The following AGBL3 variants were observed in gnomAD, a reference collection of about 807,000 sequenced individuals.
AGBL3 encodes AGBL carboxypeptidase 3.
A neutral mutation model predicts 94.5 loss-of-function variants in AGBL3; 68 were observed. That is an observed-to-expected ratio of 0.72 (90% confidence interval 0.59 to 0.88). AGBL3 has a LOEUF of 0.88. AGBL3 is among the 40% of genes least tolerant of loss of function. The pLI is 0.00. For missense variants in AGBL3, 934 were observed against 1,103.8 expected (o/e 0.85, Z 2.18); for synonymous variants, 354 against 370.7 (o/e 0.95, Z 0.52).
At chr7:134,993,459 C>T in intron 3 of AGBL3, 34 bp from the exon 4 acceptor site, 1 of 1,480,472 alleles carries the variant, frequency 6.8e-7, no homozygotes, top group Non-Finnish European at 9.0e-7. Context: ...TTTTCTTCTT[C>T]CCACTCATGA....
chr7:135,129,358 ACC>A (rs1828402799), intron 16 of AGBL3: 10 of 968,666 alleles, frequency 1.0e-5, no homozygotes, highest in African/African-American at 3.2e-5. Flanking sequence ...CTAAATGAAT[ACC>A]TGCAAGCAGA....
At chr7:135,033,676 TA>T (rs1464656009) in intron 6 of AGBL3, among the ~76,000 whole-genome samples, 1 of 152,198 alleles carries the variant, frequency 6.6e-6, no homozygotes, top group Non-Finnish European at 1.5e-5. Flanking sequence ...TGTTCTCAAA[TA>T]GATCAAATTA....
At chr7:135,036,526 G>A (rs556117888) in intron 7 of AGBL3, among the ~76,000 whole-genome samples, 1 of 152,144 alleles carries the variant, frequency 6.6e-6, no homozygotes, top group South Asian at 2.1e-4. Flanking sequence ...CAAATATTTG[G>A]GTACTTATTA....
chr7:135,034,614 A>G lies in AGBL3; in HGVS notation c.1023A>G (p.Thr341=). 1 of 1,551,702 alleles carries G rather than the reference A, an allele frequency of 6.4e-7. No individual in the cohort carries two copies. Among genetic ancestry groups the G allele is most frequent in the Non-Finnish European group, 8.7e-7 (1 of 1,146,974 alleles). The change falls in exon 7 of 17, where the codon ACA becomes ACG. Residue 341 remains threonine, a synonymous_variant. Coordinates refer to ENST00000436302, the MANE Select transcript of AGBL3 (RefSeq NM_178563.4). ...TLARNMVYIL[T]ITTPLKNSDS... ...CTAGGAACATGGTGTATATTTTAAC[A>G]ATCACTACCCCCTTGAAGAACTCTG...
chr7:135,095,525 C>A (rs1391164228), intron 15 of AGBL3, among the ~76,000 whole-genome samples: 1 of 152,146 alleles, frequency 6.6e-6, no homozygotes, highest in Non-Finnish European at 1.5e-5. Flanking sequence ...ATAGTAAAGG[C>A]CTATTAACTT....
intron 3 of AGBL3, among the ~76,000 whole-genome samples, chr7:134,992,339 A>G (rs1810400285): frequency 6.6e-6 from 1 of 152,234 alleles, no homozygotes; most frequent in African/African-American, 2.4e-5. Context: ...TTACCTCTTC[A>G]GAGAAATCTT....
At chr7:135,015,858 CAAAAAAAAGAAAAA>C (rs1447861672) in intron 4 of AGBL3, among the ~76,000 whole-genome samples, 1 of 77,134 alleles carries the variant, frequency 1.3e-5, no homozygotes, top group Non-Finnish European at 2.5e-5. Flanking sequence ...ACTAAAAATA[CAAAAAAAAGAAAAA>C]AAAAAAAAAT....
rs1013111754 is a variant in AGBL3 at position 135,110,621 on chromosome 7, G to C, written c.2111-4759G>C. On this transcript the variant is annotated intron_variant, in intron 15 of 16. Transcript: ENST00000436302. ...CCTGGCTCTGTGTCGCTCCTGGGTGGGCAGCTGTCTGCCTTGCTTTTCTCT... is the reference window on the plus strand; with the variant it reads ...CCTGGCTCTGTGTCGCTCCTGGGTGCGCAGCTGTCTGCCTTGCTTTTCTCT... 5.3e-4 allele frequency among the ~76,000 whole-genome samples: 80 copies of C among 152,084 alleles called. 2 individuals carry two copies. Among genetic ancestry groups the C allele is most frequent in the Non-Finnish European group, 4.4e-5 (3 of 68,004 alleles).
chr7:135,133,017 T>C (rs1021734122), intron 16 of AGBL3, among the ~76,000 whole-genome samples: 5 of 152,130 alleles, frequency 3.3e-5, no homozygotes, highest in African/African-American at 1.2e-4. Flanking sequence ...TGTTATTCTC[T>C]ATGTAGAAAA....
intron 15 of AGBL3, among the ~76,000 whole-genome samples, chr7:135,100,251 A>G (rs545066844): frequency 1.4e-4 from 21 of 152,112 alleles, no homozygotes; most frequent in Admixed American, 1.3e-3. Context: ...AGAATGAATG[A>G]CAATCAAATG....
At chr7:135,058,621 G>GA (rs563616702) in intron 11 of AGBL3, among the ~76,000 whole-genome samples, 8,217 of 146,126 alleles carry the variant, frequency 0.056, 309 homozygotes, top group Middle Eastern at 0.18. Context: ...GAGCCAGACA[G>GA]AAAAAAAAAA....
chr7:135,044,041 G>A lies in AGBL3; in HGVS notation c.1517G>A (p.Cys506Tyr). Residue 506 changes from cysteine (C) to tyrosine (Y), a missense_variant, in exon 9 of 17, where the codon TGC (cysteine) becomes TAC (tyrosine). Coordinates refer to ENST00000436302, the MANE Select transcript of AGBL3 (RefSeq NM_178563.4). Reference protein sequence around the residue: ...NCPDKFSFSACKFNVQKSKEG... With the variant: ...NCPDKFSFSAYKFNVQKSKEG... ...GCTTTTCAGTTTTCATTCTCAGCTT[G>A]CAAGTTTAATGTCCAGAAGAGCAAA... 1 of 1,548,358 alleles carries A rather than the reference G, an allele frequency of 6.5e-7. No homozygotes were observed. The highest frequency in any genetic ancestry group is 2.5e-5 in the East Asian group (1 of 40,770).
intron 15 of AGBL3, among the ~76,000 whole-genome samples, chr7:135,109,668 C>G (rs1029235477): frequency 1.3e-5 from 2 of 152,010 alleles, no homozygotes. Flanking sequence ...AAAACACTAG[C>G]AGGGGTATCT....
At chr7:135,019,783 T>G (rs1379956295) in intron 5 of AGBL3, among the ~76,000 whole-genome samples, 1 of 152,188 alleles carries the variant, frequency 6.6e-6, no homozygotes, top group East Asian at 1.9e-4. Flanking sequence ...CCATCTGATC[T>G]TTGACAAACC....
intron 13 of AGBL3, among the ~76,000 whole-genome samples, chr7:135,078,964 C>T (rs12531133): frequency 0.49 from 73,746 of 151,966 alleles, 18,259 homozygotes; most frequent in South Asian, 0.66. Flanking sequence ...ATAATATTGG[C>T]AAATTATTTT....
intron 4 of AGBL3, among the ~76,000 whole-genome samples, chr7:135,003,341 A>AT (rs1811964437): frequency 6.6e-6 from 1 of 152,088 alleles, no homozygotes; most frequent in Admixed American, 6.6e-5. Context: ...GTCTTTTGAT[A>AT]TGCCAGCATG....
intron 13 of AGBL3, among the ~76,000 whole-genome samples, chr7:135,078,383 T>C (rs1450376000): frequency 6.6e-6 from 1 of 152,214 alleles, no homozygotes; most frequent in Non-Finnish European, 1.5e-5. Flanking sequence ...AATTACATTA[T>C]TTCAGGAATG....
At chr7:135,041,608 T>TTAGAAAAAAACA (rs1563209502) in intron 8 of AGBL3, among the ~76,000 whole-genome samples, 1 of 151,870 alleles carries the variant, frequency 6.6e-6, no homozygotes. Context: ...TGTAAAACTT[T>TTAGAAAAAAACA]TAGAAGAAAA....
intron 15 of AGBL3, among the ~76,000 whole-genome samples, chr7:135,087,956 TC>T (rs986619975): frequency 2.0e-5 from 3 of 152,208 alleles, no homozygotes; most frequent in Non-Finnish European, 4.4e-5. Context: ...ATTCTATCTC[TC>T]CCTTTAGATC....
Sources: allele counts gnomAD v4.1 joint callset (sites outside exome capture counted in the v4.1 genomes callset), GRCh38; gene constraint gnomAD v4.1.1; transcripts MANE v1.5; gene names NCBI Gene and HGNC (gene_info 2026-07-23, HGNC 2026-07-21).